CD109: variants seen among roughly 807,000 people sequenced by gnomAD.
CD109 encodes the protein CD109 molecule, also known as CD109 antigen.
Under a neutral mutation model 165.8 loss-of-function variants are expected in CD109, and 149 were observed. That is an observed-to-expected ratio of 0.90 (90% CI 0.79 to 1.03). The LOEUF is 1.03. Among genes scored for constraint, CD109 ranks in the 50% least tolerant of loss-of-function variants. CD109 has a pLI of 0.00. For synonymous variants in CD109, 585 were observed against 592.1 expected (o/e 0.99, Z 0.18); for missense variants, 1,712 against 1,677.8 (o/e 1.02, Z -0.36).
Position 73,771,457 on chromosome 6 carries a change from C to A in CD109, c.1703C>A (p.Ala568Asp). 1 of 1,606,646 alleles carries A rather than the reference C, an allele frequency of 6.2e-7. No individual in the cohort carries two copies. Among genetic ancestry groups the A allele is most frequent in the South Asian group, 1.1e-5 (1 of 88,774 alleles). Residue 568 changes from alanine (A) to aspartate (D), a missense_variant, in exon 15 of 33, where the codon GCT becomes GAT. Transcript: ENST00000287097. The part of the protein sequence containing the change: ...KIKLYWSKVK[A>D]EPSEKVSLRI... ...AAGCTATATTGGAGTAAAGTGAAAGCTGAACCATCTGAGAAAGTCTCTCTT... is the reference window on the plus strand; with the variant it reads ...AAGCTATATTGGAGTAAAGTGAAAGATGAACCATCTGAGAAAGTCTCTCTT...
At chr6:73,799,999 G>A (rs1179619781) in intron 23 of CD109, among the ~76,000 whole-genome samples, 1 of 151,950 alleles carries the variant, frequency 6.6e-6, no homozygotes, top group East Asian at 1.9e-4. Flanking sequence ...TGGGACTACA[G>A]GCACATGCCA....
chr6:73,745,226 T>C (rs956637620), intron 5 of CD109, among the ~76,000 whole-genome samples: 1 of 152,060 alleles, frequency 6.6e-6, no homozygotes, highest in Non-Finnish European at 1.5e-5. Flanking sequence ...CTTAGCCTCC[T>C]GAGTAGCTGG....
chr6:73,679,699 G>T, the CD109 span, among the ~76,000 whole-genome samples: 1 of 151,568 alleles, frequency 6.6e-6, no homozygotes, highest in Non-Finnish European at 1.5e-5. Context: ...GCAGCGGCAC[G>T]ATCTCGACTC....
intron 31 of CD109, among the ~76,000 whole-genome samples, chr6:73,818,990 C>G (rs1191887651): frequency 6.6e-6 from 1 of 152,046 alleles, no homozygotes; most frequent in Non-Finnish European, 1.5e-5. Flanking sequence ...TGCCACCATG[C>G]CTAGATAATT....
chr6:73,724,854 G>C (rs1323052696), intron 3 of CD109, among the ~76,000 whole-genome samples: 1 of 151,908 alleles, frequency 6.6e-6, no homozygotes, highest in Non-Finnish European at 1.5e-5. Context: ...CTCCTGCCTT[G>C]GTCCCCCAAA....
intron 4 of CD109, among the ~76,000 whole-genome samples, chr6:73,734,063 C>A (rs1772462792): frequency 6.6e-6 from 1 of 152,214 alleles, no homozygotes; most frequent in African/African-American, 2.4e-5. Flanking sequence ...CAGCAGATGG[C>A]CGCATGCAAA....
Position 73,802,305 on chromosome 6 carries a change from A to ATATT in CD109, c.2879-914_2879-913insATTT, listed in dbSNP as rs1554183463. 1.1e-3 allele frequency among the ~76,000 whole-genome samples: 54 copies of ATATT among 47,608 alleles called. 3 individuals carry two copies. The highest frequency in any genetic ancestry group is 3.6e-3 in the African/African-American group (42 of 11,712). The allele number at this position is 47,608 out of a possible 152,430, so 31.2% of individuals were successfully genotyped here. Reference sequence around the variant, plus strand: ...TGTGTGTGTGTATATATATATATATATTTTTTTTTTTTTTTTTTTTTTTAG... The same window carrying ATATT: ...TGTGTGTGTGTATATATATATATATATATTTTTTTTTTTTTTTTTTTTTTTTTAG... On this transcript the variant is annotated intron_variant, in intron 23 of 32. Coordinates refer to ENST00000287097, the MANE Select transcript of CD109 (RefSeq NM_133493.5).
chr6:73,796,189 T>G (rs1277879875), intron 23 of CD109, among the ~76,000 whole-genome samples: 2 of 152,188 alleles, frequency 1.3e-5, no homozygotes, highest in Admixed American at 6.5e-5. Context: ...CTCCATATAA[T>G]GTAAAAGGGA....
At chr6:73,729,525 TTA>T (rs1772272998) in intron 3 of CD109, among the ~76,000 whole-genome samples, 2 of 147,412 alleles carry the variant, frequency 1.4e-5, no homozygotes, top group African/African-American at 5.1e-5. Context: ...ATTATTATTA[TTA>T]TTATTATTTT....
At chr6:73,711,928 T>C (rs1771552913) in intron 2 of CD109, among the ~76,000 whole-genome samples, 2 of 152,246 alleles carry the variant, frequency 1.3e-5, no homozygotes, top group African/African-American at 4.8e-5. Flanking sequence ...GAGTCTGGGC[T>C]TTTAGTATAA....
intron 2 of CD109, among the ~76,000 whole-genome samples, chr6:73,715,314 G>C (rs934269314): frequency 6.6e-6 from 1 of 151,720 alleles, no homozygotes; most frequent in African/African-American, 2.4e-5. Context: ...TGTAATCCTA[G>C]GGCCTTGGGA....
At chr6:73,700,592 T>C (rs1464691885) in intron 2 of CD109, among the ~76,000 whole-genome samples, 1 of 152,080 alleles carries the variant, frequency 6.6e-6, no homozygotes, top group Non-Finnish European at 1.5e-5. Flanking sequence ...TAGTAATAAC[T>C]AAATTGTTCA....
At chr6:73,760,739 G>A (rs1240963806) in intron 7 of CD109, among the ~76,000 whole-genome samples, 3 of 152,020 alleles carry the variant, frequency 2.0e-5, no homozygotes, top group Non-Finnish European at 4.4e-5. Context: ...CCAGCTATTC[G>A]GGAGGCTGAA....
Position 73,696,309 on chromosome 6 carries a change from G to T in CD109, c.74+20G>T. ...TCCCGGGTAGGAACGTGGGCGCGCG[G>T]GGGGCGCGCGGGCGCGCGGGCCTGG... On this transcript the variant is annotated intron_variant, in intron 1 of 32. Transcript: ENST00000287097. 2 of 1,404,712 alleles carry T rather than the reference G, an allele frequency of 1.4e-6. No homozygotes were observed. Among genetic ancestry groups the T allele is most frequent in the Non-Finnish European group, 9.4e-7 (1 of 1,069,102 alleles). 87.0% of individuals were successfully genotyped at this position (1,404,712 alleles called of 1,614,324 possible). A position where few individuals can be genotyped will look rare whatever the true frequency, so the allele number is the denominator to read the frequency against.
intron 3 of CD109, 43 bp downstream of exon 3, chr6:73,723,322 A>G: frequency 1.5e-6 from 2 of 1,328,798 alleles, no homozygotes; most frequent in Non-Finnish European, 2.1e-6. Flanking sequence ...AATATATTGT[A>G]TCAGTGAACT....
chr6:73,712,825 GA>G (rs771523801), intron 2 of CD109, among the ~76,000 whole-genome samples: 10 of 152,156 alleles, frequency 6.6e-5, no homozygotes, highest in Non-Finnish European at 1.2e-4. Context: ...GTTATACACA[GA>G]AATGATTGGA....
At position 73,757,264 on chromosome 6, in the gene CD109, T is replaced by C. The variant is rs145271249; in HGVS notation, c.673+582T>C. Among the ~76,000 whole-genome samples, 5 of 152,252 alleles carry C rather than the reference T, an allele frequency of 3.3e-5. No individual in the cohort carries two copies. In the East Asian group the frequency reaches 9.7e-4, roughly 29 times the overall value. The stretch of plus-strand genomic sequence containing the variant: ...TTTGATTTGAGCTTCTTTTTTGAGA[T>C]TGGGTTTTATTTAGGCAGTAGAAAT... On this transcript the variant is annotated intron_variant, in intron 6 of 32. Transcript: ENST00000287097.
intron 3 of CD109, among the ~76,000 whole-genome samples, chr6:73,729,491 GTTA>G (rs144709719): frequency 0.12 from 17,325 of 141,908 alleles, 1,145 homozygotes; most frequent in East Asian, 0.2. Flanking sequence ...GACTTCTATT[GTTA>G]TTATTATTAT....
intron 24 of CD109, among the ~76,000 whole-genome samples, chr6:73,805,808 C>T (rs574468257): frequency 1.3e-4 from 20 of 152,256 alleles, no homozygotes; most frequent in Non-Finnish European, 2.9e-5. Context: ...AGCCCTTAAT[C>T]CATTTAACCC....
Sources: gnomAD v4.1 joint callset for allele counts (sites outside exome capture counted in the v4.1 genomes callset) on GRCh38, gnomAD v4.1.1 for gene constraint, MANE v1.5 for transcripts, NCBI Gene and HGNC (gene_info 2026-07-23, HGNC 2026-07-21) for gene names.